AK8: variants seen among roughly 807,000 people sequenced by gnomAD.
AK8 encodes ATP-AMP transphosphorylase 8.
Under a neutral mutation model 54.6 loss-of-function variants are expected in AK8, and 44 were observed. The observed-to-expected ratio is 0.81, with a 90% CI of 0.63 to 1.04. The LOEUF is 1.04. Among genes scored for constraint, AK8 ranks in the 50% least tolerant of loss-of-function variants. The probability of loss-of-function intolerance (pLI) is 0.00; values close to 1 mark genes in which losing one functional copy is unlikely to be tolerated. For missense variants in AK8, 555 were observed against 613.6 expected (o/e 0.90, Z 1.01); for synonymous variants, 239 against 245.6 (o/e 0.97, Z 0.25).
At chr9:132,835,814 C>T (rs1190594460) in intron 5 of AK8, among the ~76,000 whole-genome samples, 1 of 152,016 alleles carries the variant, frequency 6.6e-6, no homozygotes, top group Non-Finnish European at 1.5e-5. Flanking sequence ...ACAGCGAGAC[C>T]CCGCTTCTAC....
chr9:132,737,148 A>AACAC (rs887935004), intron 11 of AK8, among the ~76,000 whole-genome samples: 1 of 151,340 alleles, frequency 6.6e-6, no homozygotes, highest in East Asian at 1.9e-4. Flanking sequence ...ATATATATTT[A>AACAC]ACACACACAC....
chr9:132,818,726 G>A (rs529659446), intron 9 of AK8, among the ~76,000 whole-genome samples: 56 of 152,158 alleles, frequency 3.7e-4, no homozygotes, highest in African/African-American at 1.2e-3. Flanking sequence ...GAGGGCTCAT[G>A]CCTGTAACTT....
chr9:132,731,031 C>T (rs1211471423), intron 11 of AK8, among the ~76,000 whole-genome samples: 2 of 152,164 alleles, frequency 1.3e-5, no homozygotes, highest in Non-Finnish European at 2.9e-5. Flanking sequence ...CTGGAACTAC[C>T]GGGTATGGAT....
intron 5 of AK8, among the ~76,000 whole-genome samples, chr9:132,850,398 C>CT (rs71376665): frequency 0.76 from 93,439 of 123,648 alleles, 35,220 homozygotes; most frequent in South Asian, 0.86. Context: ...AACCCTAATA[C>CT]TTTTTTTTTT....
intron 4 of AK8, among the ~76,000 whole-genome samples, chr9:132,858,104 G>A (rs1199807238): frequency 6.6e-6 from 1 of 152,198 alleles, no homozygotes; most frequent in African/African-American, 2.4e-5. Flanking sequence ...CCTGGCCCCG[G>A]GTCTCCCTGC....
intron 11 of AK8, among the ~76,000 whole-genome samples, chr9:132,738,128 A>C (rs1254738736): frequency 6.6e-6 from 1 of 151,586 alleles, no homozygotes; most frequent in East Asian, 1.9e-4. Flanking sequence ...ATCTCGGCTC[A>C]CTGCAACCTC....
intron 5 of AK8, among the ~76,000 whole-genome samples, chr9:132,846,164 C>T (rs1180073328): frequency 2.0e-5 from 3 of 152,276 alleles, no homozygotes; most frequent in African/African-American, 4.8e-5. Context: ...ATTACTTACA[C>T]GAAATAGTAC....
At chr9:132,863,593 G>T in intron 4 of AK8, 72 bp downstream of exon 4, 1 of 1,030,794 alleles carries the variant, frequency 9.7e-7, no homozygotes, top group Non-Finnish European at 1.5e-6. Context: ...CCAAGCAATG[G>T]TCAGGTGGCA....
intron 7 of AK8, 30 bp downstream of exon 7, chr9:132,827,983 G>T: frequency 1.3e-6 from 2 of 1,551,532 alleles, no homozygotes; most frequent in East Asian, 2.4e-5. Flanking sequence ...GAAACCCCAT[G>T]GGGCTGGGTG....
chr9:132,825,002 G>T (rs1365027428), intron 8 of AK8, among the ~76,000 whole-genome samples: 2 of 152,158 alleles, frequency 1.3e-5, no homozygotes, highest in Non-Finnish European at 2.9e-5. Context: ...CAAACCACCT[G>T]CCATGGGTAC....
Position 132,878,162 on chromosome 9 carries a change from G to C in AK8, c.84+10C>G, listed in dbSNP as rs752183505. On this transcript the variant is annotated intron_variant, in intron 1 of 12. Coordinates refer to ENST00000298545, the MANE Select transcript of AK8 (RefSeq NM_152572.3). The surrounding 1 kb of genome is among the most constrained non-coding windows in gnomAD (Gnocchi z 4.7). ...CGCCAGCGTCGCGACGGGCAGGGGT[G>C]TCCGGTCACCTGCATCAACTCGAAG... 1 of 1,517,206 alleles carries C rather than the reference G, an allele frequency of 6.6e-7. No individual in the cohort carries two copies. The highest frequency in any genetic ancestry group is 8.8e-7 in the Non-Finnish European group (1 of 1,132,128). 94.0% of individuals were successfully genotyped at this position (1,517,206 alleles called of 1,614,324 possible). A position where few individuals can be genotyped will look rare whatever the true frequency, so the allele number is the denominator to read the frequency against.
chr9:132,838,029 G>A lies in AK8; in HGVS notation c.403-9303C>T, dbSNP rs143550856. ...GGAGGCAAGTGACATCTATAAACCC[G>A]TGAGTGTCAAAACAATGGCAAGAAA... On this transcript the variant is annotated intron_variant, in intron 5 of 12. Transcript: ENST00000298545. Among the ~76,000 whole-genome samples the A allele has an allele frequency of 7.2e-5, 11 of 152,314 alleles. No individual in the cohort carries two copies. In the East Asian group the frequency reaches 1.9e-3, roughly 27 times the overall value.
intron 9 of AK8, among the ~76,000 whole-genome samples, chr9:132,819,141 G>T (rs1201465841): frequency 6.6e-6 from 1 of 152,138 alleles, no homozygotes; most frequent in Non-Finnish European, 1.5e-5. Context: ...TACACTCATG[G>T]ATTCAACCAA....
chr9:132,763,863 C>A (rs1160149794), intron 11 of AK8, among the ~76,000 whole-genome samples: 3 of 152,072 alleles, frequency 2.0e-5, no homozygotes, highest in Non-Finnish European at 4.4e-5. Context: ...ACAGCAAATG[C>A]AGTATTAAAA....
intron 10 of AK8, among the ~76,000 whole-genome samples, chr9:132,801,350 G>A (rs914454798): frequency 2.6e-5 from 4 of 152,142 alleles, no homozygotes; most frequent in Admixed American, 2.0e-4. Flanking sequence ...GGAAATGCTC[G>A]GCTAGCCACA....
At chr9:132,876,191 T>C (rs1473481351) in intron 1 of AK8, among the ~76,000 whole-genome samples, 1 of 152,236 alleles carries the variant, frequency 6.6e-6, no homozygotes, top group Non-Finnish European at 1.5e-5. Flanking sequence ...TTCCCTTCTC[T>C]GGGCCTCAGC....
At chr9:132,794,906 G>A (rs540229852) in intron 10 of AK8, among the ~76,000 whole-genome samples, 6 of 152,110 alleles carry the variant, frequency 3.9e-5, no homozygotes, top group Non-Finnish European at 8.8e-5. Flanking sequence ...AGGATAAGAG[G>A]ACCTGTTGTG....
At chr9:132,743,753 C>T (rs892612593) in intron 11 of AK8, among the ~76,000 whole-genome samples, 10 of 152,164 alleles carry the variant, frequency 6.6e-5, no homozygotes, top group Non-Finnish European at 1.3e-4. Flanking sequence ...GTTACATGCA[C>T]GTGCTATCTT....
Position 132,768,269 on chromosome 9 carries a change from ATT to A in AK8, c.1121+24363_1121+24364del, listed in dbSNP as rs34438042. Among the ~76,000 whole-genome samples the A allele has an allele frequency of 1.7e-3, 237 of 135,754 alleles. 1 individual carries two copies. Among genetic ancestry groups the A allele is most frequent in the South Asian group, 3.1e-3 (13 of 4,234 alleles). 89.1% of individuals were successfully genotyped at this position (135,754 alleles called of 152,430 possible). ...AAAAATCAAAATCATTAACTTTTTA[ATT>A]TTTTTTTTTTTTTGAGACGGAGTTT... On this transcript the variant is annotated intron_variant, in intron 11 of 12. Coordinates refer to ENST00000298545, the MANE Select transcript of AK8 (RefSeq NM_152572.3).
Sources: allele counts gnomAD v4.1 joint callset (sites outside exome capture counted in the v4.1 genomes callset), GRCh38; gene constraint gnomAD v4.1.1; non-coding constraint Gnocchi (gnomAD v3.1); transcripts MANE v1.5; gene names NCBI Gene and HGNC (gene_info 2026-07-23, HGNC 2026-07-21).